MPPED2: variants seen among roughly 807,000 people sequenced by gnomAD.
MPPED2 encodes metallophosphoesterase domain containing 2, also known as metallophosphoesterase MPPED2.
MPPED2 carries 5 observed loss-of-function variants against 33.0 expected under a neutral mutation model. That is an observed-to-expected ratio of 0.15 (90% CI 0.08 to 0.32). The LOEUF (loss-of-function observed/expected upper bound fraction) is 0.32, where lower values mean the gene tolerates loss of function less well. Among genes scored for constraint, MPPED2 ranks in the 10% least tolerant of loss-of-function variants. The pLI, the probability that MPPED2 is intolerant of heterozygous loss-of-function variation, is 1.00. For missense variants in MPPED2, 275 were observed against 372.1 expected, an observed-to-expected ratio of 0.74 and a Z score of 2.15; for synonymous variants, 136 against 141.9, an observed-to-expected ratio of 0.96 and a Z score of 0.29.
intron 3 of MPPED2, among the ~76,000 whole-genome samples, chr11:30,513,610 T>C (rs1310332018): frequency 6.6e-6 from 1 of 152,074 alleles, no homozygotes; most frequent in Non-Finnish European, 1.5e-5. Flanking sequence ...ACATAACAGG[T>C]GATGATAGGT....
At chr11:30,518,186 G>A (rs540883855) in intron 3 of MPPED2, among the ~76,000 whole-genome samples, 13 of 152,218 alleles carry the variant, frequency 8.5e-5, no homozygotes, top group Admixed American at 4.6e-4. Context: ...TCTTTTAACC[G>A]ACAGTCTCCA....
intron 4 of MPPED2, among the ~76,000 whole-genome samples, chr11:30,444,334 C>T (rs1949708649): frequency 6.6e-6 from 1 of 152,112 alleles, no homozygotes; most frequent in Non-Finnish European, 1.5e-5. Flanking sequence ...TTGCTTGTCT[C>T]ACAAAATGCT....
At chr11:30,455,758 C>T (rs1331584254) in intron 4 of MPPED2, among the ~76,000 whole-genome samples, 1 of 152,208 alleles carries the variant, frequency 6.6e-6, no homozygotes, top group Non-Finnish European at 1.5e-5. Context: ...CTTGGCTTAA[C>T]ATGATGAGGT....
intron 4 of MPPED2, among the ~76,000 whole-genome samples, chr11:30,481,575 A>G (rs1476929970): frequency 6.6e-6 from 1 of 152,154 alleles, no homozygotes; most frequent in East Asian, 1.9e-4. Flanking sequence ...TTGCAGATTA[A>G]TAGAACAAAG....
At chr11:30,464,511 T>A (rs1286367449) in intron 4 of MPPED2, among the ~76,000 whole-genome samples, 1 of 152,234 alleles carries the variant, frequency 6.6e-6, no homozygotes, top group African/African-American at 2.4e-5. Flanking sequence ...TTGTTGTACT[T>A]GATTTTAATA....
At chr11:30,502,055 A>G (rs1030561750) in intron 3 of MPPED2, among the ~76,000 whole-genome samples, 1 of 151,178 alleles carries the variant, frequency 6.6e-6, no homozygotes, top group African/African-American at 2.5e-5. Context: ...TCATTCTAAG[A>G]AAGTTAACCC....
At chr11:30,487,119 A>G (rs1052646399) in intron 4 of MPPED2, among the ~76,000 whole-genome samples, 1 of 152,172 alleles carries the variant, frequency 6.6e-6, no homozygotes, top group African/African-American at 2.4e-5. Flanking sequence ...GGAGCTTGTA[A>G]TCACTTTATA....
intron 2 of MPPED2, among the ~76,000 whole-genome samples, chr11:30,538,014 G>A (rs1409593341): frequency 2.0e-5 from 3 of 152,096 alleles, no homozygotes; most frequent in African/African-American, 7.2e-5. Context: ...ATGAATGACT[G>A]TTCCCTGCTG....
intron 4 of MPPED2, among the ~76,000 whole-genome samples, chr11:30,487,969 C>T (rs1021283605): frequency 6.6e-6 from 1 of 152,068 alleles, no homozygotes; most frequent in African/African-American, 2.4e-5. Context: ...GCAGCTACTT[C>T]CTGAGTTGCT....
At chr11:30,562,950 A>G (rs1025968135) in intron 2 of MPPED2, among the ~76,000 whole-genome samples, 1 of 152,172 alleles carries the variant, frequency 6.6e-6, no homozygotes, top group Admixed American at 6.6e-5. Flanking sequence ...TTATGGTTCT[A>G]TATTATCCTG....
downstream of MPPED2, among the ~76,000 whole-genome samples, chr11:30,407,495 G>C (rs994674856): frequency 6.6e-6 from 1 of 152,202 alleles, no homozygotes; most frequent in Non-Finnish European, 1.5e-5. Flanking sequence ...AGAGAGGCTT[G>C]TTACGGTTCC....
intron 4 of MPPED2, among the ~76,000 whole-genome samples, chr11:30,443,643 G>A (rs1949679941): frequency 6.6e-6 from 1 of 152,154 alleles, no homozygotes; most frequent in Admixed American, 6.5e-5. Flanking sequence ...TCAAATCATG[G>A]CTCTGTAGAA....
intron 2 of MPPED2, among the ~76,000 whole-genome samples, chr11:30,577,992 A>G (rs1957002605): frequency 6.6e-6 from 1 of 152,218 alleles, no homozygotes; most frequent in Non-Finnish European, 1.5e-5. Context: ...AGGCAGATAG[A>G]TAGATACAGA....
intron 4 of MPPED2, among the ~76,000 whole-genome samples, chr11:30,480,418 C>T (rs1029279355): frequency 2.0e-5 from 3 of 151,896 alleles, no homozygotes; most frequent in African/African-American, 7.3e-5. Context: ...TTACCATCGC[C>T]GTGACTAAAA....
chr11:30,478,834 A>G (rs1308611208), intron 4 of MPPED2, among the ~76,000 whole-genome samples: 1 of 152,158 alleles, frequency 6.6e-6, no homozygotes, highest in Non-Finnish European at 1.5e-5. Context: ...TGTCGTTTTG[A>G]ACGGAAGAAG....
chr11:30,472,314 T>G (rs1157493156), intron 4 of MPPED2, among the ~76,000 whole-genome samples: 3 of 152,086 alleles, frequency 2.0e-5, no homozygotes, highest in Non-Finnish European at 4.4e-5. Context: ...TGAGCCGTGG[T>G]GGTGCCATAG....
At chr11:30,579,185 A>C (rs1185195916) in intron 2 of MPPED2, among the ~76,000 whole-genome samples, 3 of 140,818 alleles carry the variant, frequency 2.1e-5, no homozygotes, top group African/African-American at 8.0e-5. Flanking sequence ...TGTAAATTCC[A>C]GGGTGGGGGG....
intron 2 of MPPED2, among the ~76,000 whole-genome samples, chr11:30,566,526 T>C (rs1377209881): frequency 6.6e-6 from 1 of 152,178 alleles, no homozygotes; most frequent in Non-Finnish European, 1.5e-5. Context: ...AGTTACCCTT[T>C]TTAAAGCCAA....
At chr11:30,525,131 G>T (rs1304353557) in intron 3 of MPPED2, among the ~76,000 whole-genome samples, 1 of 152,200 alleles carries the variant, frequency 6.6e-6, no homozygotes, top group Non-Finnish European at 1.5e-5. Context: ...CTGAGTTCTA[G>T]CTGCCTCATT....
Sources: allele counts gnomAD v4.1 joint callset (sites outside exome capture counted in the v4.1 genomes callset), GRCh38; gene constraint gnomAD v4.1.1; transcripts MANE v1.5; gene names NCBI Gene and HGNC (gene_info 2026-07-23, HGNC 2026-07-21).